The following CABLES1 variants were observed in gnomAD, a reference collection of about 807,000 sequenced individuals.
CABLES1 encodes CDK5 and ABL1 enzyme substrate 1.
CABLES1 carries 36 observed loss-of-function variants against 57.8 expected under a neutral mutation model. That is an observed-to-expected ratio of 0.62 (90% CI 0.48 to 0.82). The LOEUF (loss-of-function observed/expected upper bound fraction) is 0.82, where lower values mean the gene tolerates loss of function less well. Among genes scored for constraint, CABLES1 ranks in the 40% least tolerant of loss-of-function variants. The pLI, the probability that CABLES1 is intolerant of heterozygous loss-of-function variation, is 0.00. For synonymous variants in CABLES1, 374 were observed against 363.0 expected, an observed-to-expected ratio of 1.03 and a Z score of -0.35; for missense variants, 767 against 836.6, an observed-to-expected ratio of 0.92 and a Z score of 1.03.
At chr18:23,239,979 G>A (rs1232016508) in intron 7 of CABLES1, among the ~76,000 whole-genome samples, 1 of 152,200 alleles carries the variant, frequency 6.6e-6, no homozygotes, top group African/African-American at 2.4e-5. Context: ...TTAGCCAGGT[G>A]TGGTGTTGCG....
chr18:23,192,014 T>C (rs1033475343), intron 2 of CABLES1, among the ~76,000 whole-genome samples: 11 of 151,426 alleles, frequency 7.3e-5, no homozygotes, highest in Non-Finnish European at 1.2e-4. Context: ...AATTGGGTGC[T>C]GATATGGAAA....
chr18:23,243,651 T>C (rs1467578745), intron 7 of CABLES1, among the ~76,000 whole-genome samples: 2 of 151,918 alleles, frequency 1.3e-5, no homozygotes, highest in African/African-American at 4.8e-5. Flanking sequence ...GGCGGGTGGA[T>C]CACCTGAGGT....
intron 3 of CABLES1, among the ~76,000 whole-genome samples, chr18:23,207,530 C>T (rs896539251): frequency 1.3e-5 from 2 of 152,114 alleles, no homozygotes; most frequent in East Asian, 1.9e-4. Context: ...TGTTCAGTAG[C>T]GCCCCCTAGT....
chr18:23,253,672 G>A, intron 8 of CABLES1, 57 bp from the exon 9 acceptor site: 1 of 1,431,722 alleles, frequency 7.0e-7, no homozygotes, highest in South Asian at 1.2e-5. Flanking sequence ...GAGTTTTTCT[G>A]TCCACTGAAA....
intron 1 of CABLES1, among the ~76,000 whole-genome samples, chr18:23,178,013 AG>A (rs1186805447): frequency 6.6e-6 from 1 of 152,198 alleles, no homozygotes; most frequent in Non-Finnish European, 1.5e-5. Context: ...TTAGATGCAT[AG>A]GGCGCATTTC....
intron 4 of CABLES1, among the ~76,000 whole-genome samples, chr18:23,219,894 T>C (rs1018292431): frequency 2.0e-5 from 3 of 152,146 alleles, no homozygotes; most frequent in Admixed American, 1.3e-4. Flanking sequence ...TTAATATTCA[T>C]TGAGTTTCTT....
Position 23,243,986 on chromosome 18 carries a change from T to G in CABLES1, c.1446+6741T>G, listed in dbSNP as rs117923450. On this transcript the variant is annotated intron_variant, in intron 7 of 9. Transcript: ENST00000256925. ...GATTTTTGACAGTCGCTTCGTGATT[T>G]TGACATTTCACCCAGGATATTGCAA... 1.4e-3 allele frequency among the ~76,000 whole-genome samples: 217 copies of G among 152,354 alleles called. 3 individuals carry two copies. The East Asian group carries it at 0.029, about 21-fold the overall frequency.
intron 7 of CABLES1, among the ~76,000 whole-genome samples, chr18:23,249,689 G>A (rs1228158669): frequency 6.6e-6 from 1 of 152,230 alleles, no homozygotes; most frequent in Non-Finnish European, 1.5e-5. Flanking sequence ...GGATGAGGGT[G>A]AGGCTCAGGG....
chr18:23,159,634 T>C (rs1033143750), intron 1 of CABLES1, among the ~76,000 whole-genome samples: 3 of 152,240 alleles, frequency 2.0e-5, no homozygotes, highest in Non-Finnish European at 4.4e-5. Flanking sequence ...CGAGATACAC[T>C]GCTAAATAGA....
At chr18:23,165,312 G>T (rs1290623213) in intron 1 of CABLES1, among the ~76,000 whole-genome samples, 1 of 152,056 alleles carries the variant, frequency 6.6e-6, no homozygotes, top group Non-Finnish European at 1.5e-5. Context: ...TGCTTAGGCT[G>T]GTCTCAAGCT....
intron 1 of CABLES1, among the ~76,000 whole-genome samples, chr18:23,161,678 A>G (rs2047005396): frequency 6.8e-6 from 1 of 148,002 alleles, no homozygotes; most frequent in African/African-American, 2.5e-5. Flanking sequence ...TGGGAGGCCG[A>G]GGAGGGTGGA....
In CABLES1 at chr18:23,135,684, C is replaced by T; in HGVS notation, c.-79C>T. ...GCGCCCTACCCAGCCCGGGTCGCCGCCGCTCGCGCCCGCCGCTTAGCGCTC... is the reference window on the plus strand; with the variant it reads ...GCGCCCTACCCAGCCCGGGTCGCCGTCGCTCGCGCCCGCCGCTTAGCGCTC... On this transcript the variant is annotated 5_prime_UTR_variant, in exon 1 of 10. Coordinates refer to ENST00000256925, the MANE Select transcript of CABLES1 (RefSeq NM_001100619.3). 1.0e-6 allele frequency: 1 copy of T among 981,904 alleles called. No individual in the cohort carries two copies. The highest frequency in any genetic ancestry group is 1.2e-6 in the Non-Finnish European group (1 of 828,596). The allele number at this position is 981,904 out of a possible 1,614,324, so 60.8% of individuals were successfully genotyped here. A position where few individuals can be genotyped will look rare whatever the true frequency, so the allele number is the denominator to read the frequency against.
chr18:23,181,968 T>G (rs1450858073), intron 1 of CABLES1, among the ~76,000 whole-genome samples: 1 of 152,222 alleles, frequency 6.6e-6, no homozygotes, highest in Non-Finnish European at 1.5e-5. Context: ...CAAGACACTC[T>G]CACCTCTTCC....
At chr18:23,239,543 T>G (rs1393465565) in intron 7 of CABLES1, among the ~76,000 whole-genome samples, 2 of 152,230 alleles carry the variant, frequency 1.3e-5, no homozygotes, top group African/African-American at 4.8e-5. Context: ...CCGTTTCTCA[T>G]GCATTTGCAT....
intron 6 of CABLES1, 32 bp downstream of exon 6, chr18:23,236,083 G>C: frequency 1.9e-6 from 3 of 1,608,466 alleles, no homozygotes; most frequent in South Asian, 1.1e-5. Context: ...CTGGTAGCTC[G>C]TGGTGGGAGG....
chr18:23,217,492 A>T (rs989334592), intron 4 of CABLES1, among the ~76,000 whole-genome samples: 1 of 152,234 alleles, frequency 6.6e-6, no homozygotes, highest in Admixed American at 6.5e-5. Flanking sequence ...CTCACCCAAG[A>T]AACACTGAGC....
intron 7 of CABLES1, among the ~76,000 whole-genome samples, chr18:23,240,139 C>T (rs537811279): frequency 2.0e-5 from 3 of 152,074 alleles, no homozygotes; most frequent in East Asian, 1.9e-4. Context: ...ACAAAAACAG[C>T]GGCAGGAAAT....
intron 7 of CABLES1, among the ~76,000 whole-genome samples, chr18:23,248,671 T>C (rs1321241713): frequency 6.6e-6 from 1 of 151,516 alleles, no homozygotes; most frequent in Non-Finnish European, 1.5e-5. Flanking sequence ...CTACTAAAAA[T>C]ACAGCTGGGT....
In CABLES1 at chr18:23,235,993, G is replaced by A; in HGVS notation, c.1284G>A (p.Leu428=). The A allele has an allele frequency of 6.2e-7, 1 of 1,614,178 alleles. No individual in the cohort carries two copies. Among genetic ancestry groups the A allele is most frequent in the Non-Finnish European group, 8.5e-7 (1 of 1,180,042 alleles). The change falls in exon 6 of 10, where the codon CTG becomes CTA. Residue 428 remains leucine, a synonymous_variant. Coordinates refer to ENST00000256925, the MANE Select transcript of CABLES1 (RefSeq NM_001100619.3). ...CCTCTTTCTCCCAGTTCCGTAACCT[G>A]AGCCACCGCAGCCTCTCCATAGGCC... ...STSSFSQFRN[L]SHRSLSIGRA... is the part of the protein sequence containing the mutation.
Sources: allele counts gnomAD v4.1 joint callset (sites outside exome capture counted in the v4.1 genomes callset), GRCh38; gene constraint gnomAD v4.1.1; transcripts MANE v1.5; gene names NCBI Gene and HGNC (gene_info 2026-07-23, HGNC 2026-07-21).